The following TLN2 variants were observed in gnomAD, a reference collection of about 807,000 sequenced individuals.
TLN2 encodes the protein talin 2, also known as talin-2.
TLN2 carries 118 observed loss-of-function variants against 294.7 expected under a neutral mutation model. The observed-to-expected ratio is 0.40, with a 90% CI of 0.34 to 0.47. TLN2 has a LOEUF of 0.47. Among genes scored for constraint, TLN2 ranks in the 20% least tolerant of loss-of-function variants. The pLI is 0.84. For missense variants in TLN2, 3,083 were observed against 3,282.2 expected, an observed-to-expected ratio of 0.94 and a Z score of 1.48; for synonymous variants, 1,431 against 1,304.5, an observed-to-expected ratio of 1.10 and a Z score of -2.09.
chr15:62,596,901 T>C (rs983420375), intron 2 of TLN2, among the ~76,000 whole-genome samples: 3 of 152,212 alleles, frequency 2.0e-5, no homozygotes, highest in Non-Finnish European at 4.4e-5. Context: ...CTTTTTTTCC[T>C]GTAGATTGTT....
chr15:62,802,017 A>C (rs2065961353), intron 50 of TLN2, among the ~76,000 whole-genome samples: 1 of 152,152 alleles, frequency 6.6e-6, no homozygotes, highest in South Asian at 2.1e-4. Context: ...TTTTTACTGT[A>C]GTTACCCACT....
At chr15:62,825,583 C>G (rs1485204774) in intron 54 of TLN2, among the ~76,000 whole-genome samples, 1 of 149,004 alleles carries the variant, frequency 6.7e-6, no homozygotes, top group South Asian at 2.1e-4. Flanking sequence ...GGCATGGTGG[C>G]TCACACCTGT....
chr15:62,539,038 A>G (rs1261362589), intron 1 of TLN2, among the ~76,000 whole-genome samples: 1 of 152,166 alleles, frequency 6.6e-6, no homozygotes, highest in African/African-American at 2.4e-5. Context: ...AAGGGAGAAT[A>G]CCCATGGAGT....
chr15:62,529,661 C>T (rs2140493310), intron 1 of TLN2, among the ~76,000 whole-genome samples: 1 of 151,536 alleles, frequency 6.6e-6, no homozygotes, highest in South Asian at 2.1e-4. Context: ...AGTTTCCTTC[C>T]TCACAGGGAA....
intron 1 of TLN2, among the ~76,000 whole-genome samples, chr15:62,508,627 C>A (rs763756908): frequency 6.6e-6 from 1 of 151,970 alleles, no homozygotes; most frequent in Non-Finnish European, 1.5e-5. Context: ...TAGAGAAATA[C>A]GATTTATCAA....
intron 7 of TLN2, among the ~76,000 whole-genome samples, chr15:62,654,998 G>C (rs1227084847): frequency 6.6e-6 from 1 of 151,504 alleles, no homozygotes; most frequent in East Asian, 1.9e-4. Context: ...GCTGTATCGG[G>C]ATGACATCAT....
At chr15:62,573,858 GAC>G (rs2044148301) in intron 1 of TLN2, among the ~76,000 whole-genome samples, 1 of 151,840 alleles carries the variant, frequency 6.6e-6, no homozygotes, top group African/African-American at 2.4e-5. Flanking sequence ...TATGGATGGG[GAC>G]ACAGTGGCTT....
chr15:62,435,892 T>C (rs2140297212), intron 1 of TLN2, among the ~76,000 whole-genome samples: 1 of 152,370 alleles, frequency 6.6e-6, no homozygotes, highest in Non-Finnish European at 1.5e-5. Context: ...CTGTGAATAC[T>C]TTCCCTCATT....
chr15:62,459,463 C>T (rs1025237016), intron 1 of TLN2, among the ~76,000 whole-genome samples: 6 of 151,966 alleles, frequency 3.9e-5, no homozygotes, highest in African/African-American at 1.5e-4. Flanking sequence ...TTCCTCAAGC[C>T]CTGAATGTCC....
intron 1 of TLN2, among the ~76,000 whole-genome samples, chr15:62,577,512 A>G (rs1181301108): frequency 6.6e-6 from 1 of 152,198 alleles, no homozygotes; most frequent in Non-Finnish European, 1.5e-5. Context: ...TAAAATTCTT[A>G]TATTTGAATC....
chr15:62,794,271 G>C (rs1202322333), intron 46 of TLN2, among the ~76,000 whole-genome samples: 1 of 152,140 alleles, frequency 6.6e-6, no homozygotes. Context: ...CTAGCAACTG[G>C]CCTTTTGACT....
In TLN2 at chr15:62,799,036, A is replaced by G. The variant is rs182060660; in HGVS notation, c.6235-1332A>G. ...CACTGCACTCTTAATACGTTGTCAC[A>G]TCTGAGATCCCAGTTTATCTTCAAA... On this transcript the variant is annotated intron_variant, in intron 48 of 58. Transcript: ENST00000636159. Among the ~76,000 whole-genome samples the G allele has an allele frequency of 2.3e-3, 347 of 152,344 alleles. 3 individuals carry two copies. The highest frequency in any genetic ancestry group is 3.8e-3 in the Non-Finnish European group (259 of 68,028).
At chr15:62,781,330 G>A (rs2064148020) in intron 44 of TLN2, 89 bp downstream of exon 44, 2 of 1,015,978 alleles carry the variant, frequency 2.0e-6, no homozygotes, top group Non-Finnish European at 3.0e-6. Flanking sequence ...ATCTGTGTCA[G>A]AGAGAGAGCC....
At chr15:62,602,881 T>TA (rs1360100096) in intron 2 of TLN2, among the ~76,000 whole-genome samples, 1 of 150,170 alleles carries the variant, frequency 6.7e-6, no homozygotes, top group African/African-American at 2.5e-5. Flanking sequence ...TTTTTTTTTT[T>TA]AAATTTTTAT....
chr15:62,454,702 G>T lies in TLN2; in HGVS notation c.-238+64017G>T, dbSNP rs141701541. 1.2e-3 allele frequency among the ~76,000 whole-genome samples: 184 copies of T among 152,288 alleles called. 2 individuals are homozygous for T. The highest frequency in any genetic ancestry group is 9.3e-3 in the East Asian group (48 of 5,178). ...AGTGAGGGAGAGGGCAAGAGCATGGGCAAGAGGGAGGGTTTAGTTTTGAGC... is the reference window on the plus strand; with the variant it reads ...AGTGAGGGAGAGGGCAAGAGCATGGTCAAGAGGGAGGGTTTAGTTTTGAGC... On this transcript the variant is annotated intron_variant, in intron 1 of 58. Coordinates refer to ENST00000636159, the MANE Select transcript of TLN2 (RefSeq NM_015059.3).
At chr15:62,824,745 A>G (rs1484549966) in intron 54 of TLN2, among the ~76,000 whole-genome samples, 3 of 152,236 alleles carry the variant, frequency 2.0e-5, no homozygotes, top group African/African-American at 7.2e-5. Flanking sequence ...ATTATGATAT[A>G]GAAAACATTT....
chr15:62,669,221 G>A (rs368565833), intron 9 of TLN2, among the ~76,000 whole-genome samples: 2 of 152,168 alleles, frequency 1.3e-5, no homozygotes, highest in East Asian at 1.9e-4. Context: ...GAATGCAGTA[G>A]CTCAATTTTT....
At chr15:62,560,753 C>T (rs61587000) in intron 1 of TLN2, among the ~76,000 whole-genome samples, 6 of 152,044 alleles carry the variant, frequency 3.9e-5, no homozygotes, top group African/African-American at 1.4e-4. Context: ...CCCTTCTTTG[C>T]AGGGTGGACT....
chr15:62,570,519 C>A (rs531633288), intron 1 of TLN2, among the ~76,000 whole-genome samples: 1 of 152,018 alleles, frequency 6.6e-6, no homozygotes, highest in African/African-American at 2.4e-5. Flanking sequence ...CTTTCTTGTC[C>A]GTCTTTCTCT....
Sources: gnomAD v4.1 joint callset for allele counts (sites outside exome capture counted in the v4.1 genomes callset) on GRCh38, gnomAD v4.1.1 for gene constraint, MANE v1.5 for transcripts, NCBI Gene and HGNC (gene_info 2026-07-23, HGNC 2026-07-21) for gene names.